ADAMTSL2: variants seen among roughly 807,000 people sequenced by gnomAD.
The protein encoded by ADAMTSL2 is ADAMTS-like protein 2.
In ADAMTSL2, 55 loss-of-function variants were observed where a neutral mutation model predicts 117.0. The observed-to-expected ratio is 0.47, with a 90% CI of 0.38 to 0.59. The LOEUF is 0.59. ADAMTSL2 is among the 20% of genes least tolerant of loss of function. The probability of loss-of-function intolerance (pLI) is 0.00; values close to 1 mark genes in which losing one functional copy is unlikely to be tolerated. For missense variants in ADAMTSL2, 1,182 were observed against 1,354.5 expected, an observed-to-expected ratio of 0.87 and a Z score of 2.00; for synonymous variants, 572 against 566.4, an observed-to-expected ratio of 1.01 and a Z score of -0.14.
chr9:133,574,120 G>A, intron 18 of ADAMTSL2, 133 bp downstream of exon 18: 1 of 1,228,234 alleles, frequency 8.1e-7, no homozygotes, highest in Non-Finnish European at 1.1e-6. Context: ...AGACCAAGCT[G>A]TGCAGGGAGT....
chr9:133,546,008 G>A (rs1830338740), intron 8 of ADAMTSL2, among the ~76,000 whole-genome samples: 1 of 152,052 alleles, frequency 6.6e-6, no homozygotes, highest in Admixed American at 6.6e-5. Flanking sequence ...TGTTCATATT[G>A]CATCAGGAAT....
intron 13 of ADAMTSL2, among the ~76,000 whole-genome samples, chr9:133,567,631 A>G (rs1277305583): frequency 2.0e-5 from 3 of 152,118 alleles, no homozygotes; most frequent in Non-Finnish European, 4.4e-5. Context: ...GCACACGGCC[A>G]CACTGCCTCT....
At position 133,561,221 on chromosome 9, in the gene ADAMTSL2, A is replaced by G; in HGVS notation, c.1673A>G (p.Gln558Arg). The change falls in exon 12 of 19, where the codon CAA becomes CGA. Residue 558 changes from glutamine (Q) to arginine (R), a missense_variant. Gln to Arg is a conservative substitution (Grantham distance 43, BLOSUM62 1). Transcript: ENST00000651351. ...KARTRPKARK[Q>R]GVSPADMYRW... ...AGGACCAGGCCCAAGGCGCGCAAGC[A>G]AGGCGTGAGTCCCGCGGACATGTAC... 1 of 1,608,294 alleles carries G rather than the reference A, an allele frequency of 6.2e-7. No homozygotes were observed. Among genetic ancestry groups the G allele is most frequent in the Non-Finnish European group, 8.5e-7 (1 of 1,177,864 alleles).
In ADAMTSL2 at chr9:133,555,740, C is replaced by A; in HGVS notation, c.1459C>A (p.Pro487Thr). 3 of 1,614,018 alleles carry A rather than the reference C, an allele frequency of 1.9e-6. No homozygotes were observed. The highest frequency in any genetic ancestry group is 2.5e-6 in the Non-Finnish European group (3 of 1,180,038). Residue 487 changes from proline to threonine, a missense_variant, in exon 11 of 19, where the codon CCA becomes ACA. This residue lies in a region of ADAMTSL2 where 345 missense variants were observed against 325.8 expected (regional missense o/e 1.06). Transcript: ENST00000651351. ...GAACAGCATCTTTGCACAGGGCGCC[C>A]CAAGGAGCTCCCTGGCCGAGAGCTT... ...TVNSIFAQGA[P>T]RSSLAESFFV... is the part of the protein sequence containing the mutation.
chr9:133,539,938 G>T, intron 5 of ADAMTSL2, 65 bp downstream of exon 5: 3 of 1,475,830 alleles, frequency 2.0e-6, no homozygotes, highest in Non-Finnish European at 9.2e-7. Flanking sequence ...AGCCCTTCCG[G>T]CACCTGGGAC....
At chr9:133,555,534 T>C in intron 10 of ADAMTSL2, 24 bp from the exon 11 acceptor site, 1 of 1,612,888 alleles carries the variant, frequency 6.2e-7, no homozygotes, top group Non-Finnish European at 8.5e-7. Context: ...GTGCCCACGG[T>C]TGAGCCACCT....
At position 133,536,683 on chromosome 9, in the gene ADAMTSL2, C is replaced by T. The variant is rs371158728; in HGVS notation, c.-30C>T. The T allele has an allele frequency of 1.2e-5, 19 of 1,614,190 alleles. No individual in the cohort carries two copies. Among genetic ancestry groups the T allele is most frequent in the Middle Eastern group, 1.6e-4 (1 of 6,062 alleles). On this transcript the variant is annotated 5_prime_UTR_variant, in exon 2 of 19. Coordinates refer to ENST00000651351, the MANE Select transcript of ADAMTSL2 (RefSeq NM_014694.4). ...CATCTGGAAGAGGATCGGAGCTGGCCTGGTGGTGACAGTGGCCTTGCTTCC... is the reference window on the plus strand; with the variant it reads ...CATCTGGAAGAGGATCGGAGCTGGCTTGGTGGTGACAGTGGCCTTGCTTCC...
chr9:133,533,634 G>A (rs1267489212), upstream of ADAMTSL2, among the ~76,000 whole-genome samples: 1 of 152,178 alleles, frequency 6.6e-6, no homozygotes, highest in Non-Finnish European at 1.5e-5. Context: ...AGCCTTTCTG[G>A]TGGGTGGTCA....
chr9:133,537,636 T>G, intron 3 of ADAMTSL2, 89 bp downstream of exon 3: 1 of 1,260,880 alleles, frequency 7.9e-7, no homozygotes, highest in South Asian at 3.3e-5. Context: ...GCCTGGTGGC[T>G]TCTCCCCCTG....
rs768206378 is a variant in ADAMTSL2, at chr9:133,547,136, C to T, written c.862C>T (p.Arg288Trp). Reference sequence around the variant, plus strand: ...CGCAGGCACGGTGGTCAAGTACAGGCGGCCCATGGATGTCTATGAGACCGG... The same window carrying T: ...CGCAGGCACGGTGGTCAAGTACAGGTGGCCCATGGATGTCTATGAGACCGG... ...NIAGTVVKYR[R>W]PMDVYETGIE... The change falls in exon 9 of 19, where the codon CGG becomes TGG. Residue 288 changes from arginine (R) to tryptophan (W), a missense_variant. By Grantham distance (101) the Arg-to-Trp change is moderately radical (BLOSUM62 -3). This residue lies in a region of ADAMTSL2 where 372 missense variants were observed against 463.4 expected (regional missense o/e 0.80). Coordinates refer to ENST00000651351, the MANE Select transcript of ADAMTSL2 (RefSeq NM_014694.4). The T allele has an allele frequency of 3.7e-6, 6 of 1,614,044 alleles. No homozygotes were observed. Among genetic ancestry groups the T allele is most frequent in the African/African-American group, 1.3e-5 (1 of 74,920 alleles).
rs1332976799 is a variant in ADAMTSL2, at chr9:133,574,053, C to T, written c.2737+66C>T. The T allele has an allele frequency of 3.2e-6, 5 of 1,549,316 alleles. No homozygotes were observed. The South Asian group carries it at 3.5e-5, about 11-fold the overall frequency. ...AGGGGAGGCGAGGACAGAGTCAGGGCCTGAGGGGTGAGCAGACATTGCTCA... is the reference window on the plus strand; with the variant it reads ...AGGGGAGGCGAGGACAGAGTCAGGGTCTGAGGGGTGAGCAGACATTGCTCA... On this transcript the variant is annotated intron_variant, in intron 18 of 18. Transcript: ENST00000651351.
rs558971069 is a variant in ADAMTSL2 at position 133,546,596 on chromosome 9, C to T, written c.764-442C>T. On this transcript the variant is annotated intron_variant, in intron 8 of 18. Coordinates refer to ENST00000651351, the MANE Select transcript of ADAMTSL2 (RefSeq NM_014694.4). Reference sequence around the variant, plus strand: ...AGGCCTGGTGGTCAGCACACCCATGCCAGCCAGGCCAGGGCTGCAGGGTCA... The same window carrying T: ...AGGCCTGGTGGTCAGCACACCCATGTCAGCCAGGCCAGGGCTGCAGGGTCA... 2.8e-4 allele frequency among the ~76,000 whole-genome samples: 42 copies of T among 152,146 alleles called. No homozygotes were observed. In the South Asian group the frequency reaches 8.5e-3, roughly 31 times the overall value.
intron 12 of ADAMTSL2, among the ~76,000 whole-genome samples, chr9:133,564,433 G>A (rs1314910582): frequency 0.011 from 120 of 10,818 alleles, no homozygotes; most frequent in East Asian, 0.021. Flanking sequence ...AGAGAGAGAG[G>A]GAGAGAGAGA....
rs151110861 is a variant in ADAMTSL2, at chr9:133,543,253, A to C, written c.683-1217A>C. On this transcript the variant is annotated intron_variant, in intron 7 of 18. Coordinates refer to ENST00000651351, the MANE Select transcript of ADAMTSL2 (RefSeq NM_014694.4). ...TTTATCTGTGTGGCAAAAACACCATATACGGGTGTGCTGCAGCCTCTCTTC... is the reference window on the plus strand; with the variant it reads ...TTTATCTGTGTGGCAAAAACACCATCTACGGGTGTGCTGCAGCCTCTCTTC... 1.5e-3 allele frequency among the ~76,000 whole-genome samples: 226 copies of C among 152,352 alleles called. 1 individual carries two copies. The highest frequency in any genetic ancestry group is 2.9e-3 in the Non-Finnish European group (196 of 68,030).
At chr9:133,545,086 G>A (rs1193956273) in intron 8 of ADAMTSL2, among the ~76,000 whole-genome samples, 1 of 152,164 alleles carries the variant, frequency 6.6e-6, no homozygotes, top group South Asian at 2.1e-4. Context: ...TGGACAGAGT[G>A]GTGAGGCCCC....
At chr9:133,559,888 G>C (rs956862495) in intron 11 of ADAMTSL2, among the ~76,000 whole-genome samples, 1 of 152,192 alleles carries the variant, frequency 6.6e-6, no homozygotes, top group Non-Finnish European at 1.5e-5. Context: ...AGCCACACCA[G>C]TGAACTCACT....
chr9:133,566,933 C>T lies in ADAMTSL2; in HGVS notation c.1748-3C>T. On this transcript the variant is annotated splice_polypyrimidine_tract_variant and splice_region_variant and intron_variant, in intron 12 of 18. Transcript: ENST00000651351. ...CACAGACCCACCCCTGTCCCCAACCCAGGGGTCATGTCTGCGTACGCCATG... is the reference window on the plus strand; with the variant it reads ...CACAGACCCACCCCTGTCCCCAACCTAGGGGTCATGTCTGCGTACGCCATG... The T allele has an allele frequency of 6.2e-7, 1 of 1,605,954 alleles. No individual in the cohort carries two copies. Among genetic ancestry groups the T allele is most frequent in the Non-Finnish European group, 8.5e-7 (1 of 1,176,864 alleles).
At chr9:133,560,245 G>C (rs1229389185) in intron 11 of ADAMTSL2, among the ~76,000 whole-genome samples, 1 of 152,204 alleles carries the variant, frequency 6.6e-6, no homozygotes, top group Non-Finnish European at 1.5e-5. Flanking sequence ...TCTGGGCCCA[G>C]AGGAAAGTGG....
Position 133,540,629 on chromosome 9 carries a change from T to G in ADAMTSL2, c.444T>G (p.Cys148Trp), listed in dbSNP as rs1241556471. ...DDYVHISSKP[C>W]DLHCTTVDGQ... ...ATGTCCACATCTCCAGCAAACCGTG[T>G]GACCTGCACTGTACCACCGTGGACG... The change falls in exon 6 of 19, where the codon TGT (cysteine) becomes TGG (tryptophan). Residue 148 changes from cysteine (C) to tryptophan (W), a missense_variant. This residue lies in a region of ADAMTSL2 where 372 missense variants were observed against 463.4 expected (regional missense o/e 0.80). Coordinates refer to ENST00000651351, the MANE Select transcript of ADAMTSL2 (RefSeq NM_014694.4). The G allele has an allele frequency of 6.2e-7, 1 of 1,613,574 alleles. No individual in the cohort carries two copies.
Sources: allele counts gnomAD v4.1 joint callset (sites outside exome capture counted in the v4.1 genomes callset), GRCh38; gene constraint gnomAD v4.1.1; regional missense constraint gnomAD v4.1.1; transcripts MANE v1.5; gene names NCBI Gene and HGNC (gene_info 2026-07-23, HGNC 2026-07-21).